Variants in AGBL4 observed in about 807,000 individuals in gnomAD.
AGBL4 encodes the protein AGBL carboxypeptidase 4.
Under a neutral mutation model 66.4 loss-of-function variants are expected in AGBL4, and 58 were observed. That is an observed-to-expected ratio of 0.87 (90% CI 0.71 to 1.09). AGBL4 has a LOEUF of 1.09. AGBL4 is among the 50% of genes least tolerant of loss of function. AGBL4 has a pLI of 0.00. For missense variants in AGBL4, 579 were observed against 631.0 expected (o/e 0.92, Z 0.88); for synonymous variants, 234 against 222.9 (o/e 1.05, Z -0.44).
intron 3 of AGBL4, among the ~76,000 whole-genome samples, chr1:49,268,520 C>G (rs938803059): frequency 5.9e-5 from 9 of 151,328 alleles, no homozygotes; most frequent in South Asian, 2.1e-4. Context: ...CAGCTTTGAA[C>G]TCCTGGGCTC....
chr1:49,500,339 C>A (rs1372768464), intron 3 of AGBL4, among the ~76,000 whole-genome samples: 1 of 150,592 alleles, frequency 6.6e-6, no homozygotes, highest in African/African-American at 2.4e-5. Flanking sequence ...CTTTACTCTG[C>A]TGATTATTTA....
chr1:48,589,773 C>CA (rs916354831), intron 10 of AGBL4, among the ~76,000 whole-genome samples: 7 of 152,104 alleles, frequency 4.6e-5, no homozygotes, highest in African/African-American at 1.7e-4. Flanking sequence ...CCAGCAATTA[C>CA]AAAAAAATTG....
At chr1:49,436,994 A>C (rs1412339809) in intron 3 of AGBL4, among the ~76,000 whole-genome samples, 1 of 152,194 alleles carries the variant, frequency 6.6e-6, no homozygotes, top group African/African-American at 2.4e-5. Flanking sequence ...TCTTCTTTTC[A>C]TTCTGAACAA....
At chr1:49,495,514 C>A (rs1294975963) in intron 3 of AGBL4, among the ~76,000 whole-genome samples, 2 of 151,586 alleles carry the variant, frequency 1.3e-5, no homozygotes, top group Non-Finnish European at 2.9e-5. Flanking sequence ...TTCGTCTCTG[C>A]CTCATGTGTG....
At chr1:49,270,184 C>T (rs1644024944) in intron 3 of AGBL4, among the ~76,000 whole-genome samples, 1 of 152,130 alleles carries the variant, frequency 6.6e-6, no homozygotes, top group Non-Finnish European at 1.5e-5. Flanking sequence ...ATTGTTTGGT[C>T]TCTCTTCTCC....
intron 2 of AGBL4, among the ~76,000 whole-genome samples, chr1:49,805,976 T>C (rs1394366212): frequency 6.6e-6 from 1 of 152,190 alleles, no homozygotes; most frequent in Non-Finnish European, 1.5e-5. Context: ...AACAGACTAA[T>C]GCAAATGTTT....
intron 4 of AGBL4, among the ~76,000 whole-genome samples, chr1:49,161,337 A>C (rs1346459522): frequency 6.6e-6 from 1 of 152,098 alleles, no homozygotes; most frequent in Non-Finnish European, 1.5e-5. Flanking sequence ...TTCCTGGGTG[A>C]GGTGATGCCC....
chr1:49,577,634 T>A (rs1252974998), intron 3 of AGBL4, among the ~76,000 whole-genome samples: 2 of 152,206 alleles, frequency 1.3e-5, no homozygotes, highest in African/African-American at 4.8e-5. Flanking sequence ...AAGGAATGCC[T>A]TATCCACCGT....
chr1:48,814,731 A>G (rs1187889615), intron 6 of AGBL4, among the ~76,000 whole-genome samples: 1 of 151,950 alleles, frequency 6.6e-6, no homozygotes, highest in Non-Finnish European at 1.5e-5. Context: ...GCCATAAATG[A>G]CAGGATGTCA....
At chr1:48,771,798 C>A (rs897303025) in intron 6 of AGBL4, among the ~76,000 whole-genome samples, 1 of 152,204 alleles carries the variant, frequency 6.6e-6, no homozygotes, top group African/African-American at 2.4e-5. Context: ...CAATGCCAAG[C>A]TGGGACCTGA....
intron 3 of AGBL4, among the ~76,000 whole-genome samples, chr1:49,517,176 A>G (rs755510593): frequency 2.0e-5 from 3 of 151,740 alleles, no homozygotes; most frequent in Non-Finnish European, 4.4e-5. Flanking sequence ...TTGGACTGTG[A>G]AGAAGCAGAA....
At chr1:49,332,227 T>C (rs1645349476) in intron 3 of AGBL4, among the ~76,000 whole-genome samples, 1 of 152,186 alleles carries the variant, frequency 6.6e-6, no homozygotes, top group Non-Finnish European at 1.5e-5. Flanking sequence ...ATTTCTGAGG[T>C]GACAATGTTG....
intron 4 of AGBL4, among the ~76,000 whole-genome samples, chr1:49,233,509 T>C (rs1650486800): frequency 6.6e-6 from 1 of 152,220 alleles, no homozygotes; most frequent in African/African-American, 2.4e-5. Flanking sequence ...ATTGAGGCTC[T>C]ATGACTCCAA....
chr1:49,743,680 T>G (rs1334572287), intron 2 of AGBL4, among the ~76,000 whole-genome samples: 4 of 151,958 alleles, frequency 2.6e-5, no homozygotes, highest in African/African-American at 9.7e-5. Context: ...TAGACTGGAT[T>G]AAGAAAATGT....
intron 3 of AGBL4, among the ~76,000 whole-genome samples, chr1:49,656,895 AT>A (rs1646148462): frequency 6.6e-6 from 1 of 152,218 alleles, no homozygotes. Context: ...CCCACAGCCA[AT>A]ATCATACTGA....
At chr1:49,138,822 C>G (rs1172431989) in intron 4 of AGBL4, among the ~76,000 whole-genome samples, 1 of 152,102 alleles carries the variant, frequency 6.6e-6, no homozygotes, top group Non-Finnish European at 1.5e-5. Context: ...TTAGAGGAAT[C>G]AGGAGTTCAG....
intron 11 of AGBL4, among the ~76,000 whole-genome samples, chr1:48,574,953 G>C (rs1644626995): frequency 6.6e-6 from 1 of 152,190 alleles, no homozygotes; most frequent in South Asian, 2.1e-4. Flanking sequence ...GAATGGCCCT[G>C]TGGCCCCAGG....
intron 3 of AGBL4, among the ~76,000 whole-genome samples, chr1:49,403,342 T>C (rs916683621): frequency 2.0e-5 from 3 of 152,252 alleles, no homozygotes; most frequent in African/African-American, 4.8e-5. Flanking sequence ...CATCACTTTA[T>C]TTTTAGTCTA....
intron 3 of AGBL4, among the ~76,000 whole-genome samples, chr1:49,328,975 T>C (rs1280104802): frequency 6.6e-6 from 1 of 152,208 alleles, no homozygotes; most frequent in Non-Finnish European, 1.5e-5. Flanking sequence ...ATCTGAATAA[T>C]GAATTGACTT....
Sources: gnomAD v4.1 joint callset for allele counts (sites outside exome capture counted in the v4.1 genomes callset) on GRCh38, gnomAD v4.1.1 for gene constraint, MANE v1.5 for transcripts, NCBI Gene and HGNC (gene_info 2026-07-23, HGNC 2026-07-21) for gene names.